The following ECHDC3 variants were observed in gnomAD, a reference collection of about 807,000 sequenced individuals.
ECHDC3 encodes enoyl-CoA hydratase domain containing 3.
ECHDC3 carries 20 observed loss-of-function variants against 17.9 expected under a neutral mutation model. The ratio of observed to expected loss-of-function variants is 1.12; its 90% CI spans 0.79 to 1.63. The LOEUF is 1.63. Among genes scored for constraint, ECHDC3 ranks in the 40% most tolerant of loss-of-function variants. The probability of loss-of-function intolerance (pLI) is 0.00; values close to 1 mark genes in which losing one functional copy is unlikely to be tolerated. For synonymous variants in ECHDC3, 177 were observed against 149.7 expected (o/e 1.18, Z -1.33); for missense variants, 407 against 357.7 (o/e 1.14, Z -1.11).
rs1306499108 is a variant in ECHDC3 at position 11,742,536 on chromosome 10, C to T, written c.-41C>T. 4.0e-6 allele frequency: 5 copies of T among 1,256,182 alleles called. No individual in the cohort carries two copies. Among genetic ancestry groups the T allele is most frequent in the African/African-American group, 1.6e-5 (1 of 63,966 alleles). The allele number at this position is 1,256,182 out of a possible 1,614,324, so 77.8% of individuals were successfully genotyped here. ...GGAGCGCCCAGCACCTGCGGCCGGC[C>T]AGGCAGCGCGATCCTGCGGCGTCTG... On this transcript the variant is annotated 5_prime_UTR_variant, in exon 1 of 5. Coordinates refer to ENST00000379215, the MANE Select transcript of ECHDC3 (RefSeq NM_024693.5).
At chr10:11,744,329 T>C (rs4750087) in intron 1 of ECHDC3, among the ~76,000 whole-genome samples, 142,286 of 152,210 alleles carry the variant, frequency 0.93, 67,311 homozygotes, top group East Asian at 1. Flanking sequence ...AAAGAGATGG[T>C]GAAAAAATGG....
chr10:11,761,772 T>C (rs895922695), intron 4 of ECHDC3, among the ~76,000 whole-genome samples: 1 of 152,258 alleles, frequency 6.6e-6, no homozygotes, highest in African/African-American at 2.4e-5. Flanking sequence ...ATCACCTCCT[T>C]GCCCTTGTCT....
chr10:11,763,471 T>C lies in ECHDC3; in HGVS notation c.839T>C (p.Leu280Pro), dbSNP rs909802958. 1.0e-5 allele frequency: 11 copies of C among 1,065,818 alleles called. No homozygotes were observed. The highest frequency in any genetic ancestry group is 1.6e-5 in the Non-Finnish European group (11 of 692,716). The allele number at this position is 1,065,818 out of a possible 1,614,324, so 66.0% of individuals were successfully genotyped here. The change falls in exon 5 of 5, where the codon CTG becomes CCG. Residue 280 changes from leucine to proline, a missense_variant. Leu to Pro is a moderately conservative substitution (Grantham distance 98). Coordinates refer to ENST00000379215, the MANE Select transcript of ECHDC3 (RefSeq NM_024693.5). The surrounding 1 kb of genome is among the most constrained non-coding windows in gnomAD (Gnocchi z 4.9). ...TSQAMVDNLALRDGQEGITAF... is the reference protein window; with the variant it reads ...TSQAMVDNLAPRDGQEGITAF... The stretch of plus-strand genomic sequence containing the variant: ...CAGGCCATGGTGGACAACCTGGCCC[T>C]GCGGGACGGGCAGGAGGGCATCACG...
intron 4 of ECHDC3, among the ~76,000 whole-genome samples, chr10:11,759,382 A>ACC (rs377284550): frequency 1.5e-5 from 2 of 134,498 alleles, no homozygotes; most frequent in African/African-American, 2.8e-5. Context: ...AAAAAAAAAA[A>ACC]ACACGCAGTC....
intron 4 of ECHDC3, among the ~76,000 whole-genome samples, chr10:11,756,925 G>A (rs1224686161): frequency 6.6e-6 from 1 of 152,136 alleles, no homozygotes; most frequent in African/African-American, 2.4e-5. Flanking sequence ...CGTAGAGATG[G>A]GGTTTCACCC....
At chr10:11,746,432 A>G (rs530763333) in intron 1 of ECHDC3, among the ~76,000 whole-genome samples, 34 of 152,278 alleles carry the variant, frequency 2.2e-4, no homozygotes, top group African/African-American at 7.0e-4. Context: ...ACTATAGTCA[A>G]TAATAATTTA....
chr10:11,756,263 T>C (rs1023407078), intron 4 of ECHDC3, among the ~76,000 whole-genome samples: 4 of 152,190 alleles, frequency 2.6e-5, no homozygotes, highest in African/African-American at 9.7e-5. Flanking sequence ...TCCTATAACA[T>C]CATAAAATAA....
intron 4 of ECHDC3, among the ~76,000 whole-genome samples, chr10:11,758,993 T>C (rs1276591103): frequency 6.6e-6 from 1 of 152,116 alleles, no homozygotes; most frequent in Non-Finnish European, 1.5e-5. Context: ...TGTTGGAAGG[T>C]GGGGCCTTTG....
At position 11,742,420 on chromosome 10, in the gene ECHDC3, A is replaced by G; in HGVS notation, c.-157A>G. 1 of 610,090 alleles carries G rather than the reference A, an allele frequency of 1.6e-6. No homozygotes were observed. Among genetic ancestry groups the G allele is most frequent in the East Asian group, 4.0e-5 (1 of 24,700 alleles). 37.8% of individuals were successfully genotyped at this position (610,090 alleles called of 1,614,324 possible). ...GGCCTGGCCTGGGGCGTCCCCGCGA[A>G]GCCTGGGCCTGTCAGGCGGTTCCGT... On this transcript the variant is annotated 5_prime_UTR_variant, in exon 1 of 5. Transcript: ENST00000379215.
chr10:11,747,194 C>T lies in ECHDC3; in HGVS notation c.171-155C>T. On this transcript the variant is annotated intron_variant, in intron 1 of 4. Transcript: ENST00000379215. ...TTCTTGTTTTGACTTGGCTGTAACT[C>T]CAGAGAGTTGACAGACCCTCTAAAT... 3 of 934,568 alleles carry T rather than the reference C, an allele frequency of 3.2e-6. No homozygotes were observed. The South Asian group carries it at 6.0e-5, about 19-fold the overall frequency. The allele number at this position is 934,568 out of a possible 1,614,324, so 57.9% of individuals were successfully genotyped here.
intron 4 of ECHDC3, among the ~76,000 whole-genome samples, chr10:11,762,452 C>T (rs72781915): frequency 0.17 from 25,982 of 152,200 alleles, 2,771 homozygotes; most frequent in Non-Finnish European, 0.24. Flanking sequence ...GGGCCCCTGC[C>T]TGTGTGTCCT....
intron 1 of ECHDC3, among the ~76,000 whole-genome samples, chr10:11,746,377 T>C (rs1174219940): frequency 7.3e-6 from 1 of 136,584 alleles, no homozygotes; most frequent in Non-Finnish European, 1.5e-5. Context: ...TACAGAAAAA[T>C]AGAATGAATG....
intron 1 of ECHDC3, among the ~76,000 whole-genome samples, chr10:11,743,452 G>A (rs1332864306): frequency 6.6e-6 from 1 of 152,274 alleles, no homozygotes; most frequent in Non-Finnish European, 1.5e-5. Flanking sequence ...CCCCGCAGGG[G>A]TAGAGAGCCA....
At chr10:11,759,366 AAAAAC>A (rs1258764726) in intron 4 of ECHDC3, among the ~76,000 whole-genome samples, 14 of 63,562 alleles carry the variant, frequency 2.2e-4, no homozygotes, top group African/African-American at 6.3e-4. Flanking sequence ...TAAAAAAAAA[AAAAAC>A]AAAAAAAAAA....
chr10:11,749,350 A>T, intron 2 of ECHDC3, 145 bp from the exon 3 acceptor site: 2 of 709,220 alleles, frequency 2.8e-6, no homozygotes, highest in South Asian at 2.1e-5. Flanking sequence ...AGCAAACTGG[A>T]ATTATTCTTC....
intron 4 of ECHDC3, among the ~76,000 whole-genome samples, chr10:11,760,940 C>G (rs1023227812): frequency 6.6e-6 from 1 of 152,220 alleles, no homozygotes; most frequent in Non-Finnish European, 1.5e-5. Flanking sequence ...GCCCTGGAAC[C>G]CCCATAGCTG....
chr10:11,755,855 A>G (rs533441350), intron 4 of ECHDC3: 1 of 477,978 alleles, frequency 2.1e-6, no homozygotes, highest in African/African-American at 1.9e-5. Flanking sequence ...CTGCATTTCC[A>G]TCATGCGTAC....
At chr10:11,756,455 A>G (rs969836947) in intron 4 of ECHDC3, among the ~76,000 whole-genome samples, 1 of 152,246 alleles carries the variant, frequency 6.6e-6, no homozygotes, top group African/African-American at 2.4e-5. Context: ...AAAATCAGCA[A>G]TTGCTCACAT....
At chr10:11,749,173 C>T (rs1873734) in intron 2 of ECHDC3, among the ~76,000 whole-genome samples, 2 of 152,116 alleles carry the variant, frequency 1.3e-5, no homozygotes, top group Non-Finnish European at 2.9e-5. Context: ...GAGCGAGTCC[C>T]CAAATAAAGG....
Sources: allele counts gnomAD v4.1 joint callset (sites outside exome capture counted in the v4.1 genomes callset), GRCh38; gene constraint gnomAD v4.1.1; non-coding constraint Gnocchi (gnomAD v3.1); transcripts MANE v1.5; gene names NCBI Gene and HGNC (gene_info 2026-07-23, HGNC 2026-07-21).